Variants in DPP6 observed in about 807,000 individuals in gnomAD.
The protein encoded by DPP6 is dipeptidyl peptidase like 6.
Under a neutral mutation model 122.6 loss-of-function variants are expected in DPP6, and 69 were observed. The ratio of observed to expected loss-of-function variants is 0.56; its 90% confidence interval spans 0.46 to 0.69. The LOEUF is 0.69. DPP6 is among the 30% of genes least tolerant of loss of function. The pLI, the probability that DPP6 is intolerant of heterozygous loss-of-function variation, is 0.00. For synonymous variants in DPP6, 418 were observed against 433.1 expected (o/e 0.97, Z 0.43); for missense variants, 928 against 1,116.9 (o/e 0.83, Z 2.41).
intron 1 of DPP6, among the ~76,000 whole-genome samples, chr7:153,931,795 G>A (rs1801182906): frequency 1.3e-5 from 2 of 152,156 alleles, no homozygotes; most frequent in African/African-American, 2.4e-5. Flanking sequence ...TCTTAAAAGT[G>A]TCCATAATAG....
the DPP6 span, among the ~76,000 whole-genome samples, chr7:153,782,571 C>G: frequency 3.9e-5 from 6 of 152,140 alleles, no homozygotes; most frequent in African/African-American, 1.4e-4. Context: ...GTTGTGTTTT[C>G]TATTCTTTTC....
At chr7:153,944,618 G>A (rs1260505862) in intron 1 of DPP6, among the ~76,000 whole-genome samples, 1 of 151,456 alleles carries the variant, frequency 6.6e-6, no homozygotes, top group Non-Finnish European at 1.5e-5. Context: ...ACGGGGCCTT[G>A]CAGGCCATAA....
At chr7:154,847,557 A>G (rs1353916591) in intron 16 of DPP6, among the ~76,000 whole-genome samples, 1 of 152,012 alleles carries the variant, frequency 6.6e-6, no homozygotes, top group Non-Finnish European at 1.5e-5. Flanking sequence ...TAATAATTGC[A>G]TATATTTATT....
intron 5 of DPP6, chr7:154,587,912 C>T: frequency 4.3e-6 from 7 of 1,612,928 alleles, no homozygotes; most frequent in Middle Eastern, 1.7e-4. Flanking sequence ...AGGAGAGTCC[C>T]AGGAGGCAGG....
chr7:154,432,778 A>G (rs1818534900), intron 1 of DPP6, among the ~76,000 whole-genome samples: 1 of 152,204 alleles, frequency 6.6e-6, no homozygotes, highest in South Asian at 2.1e-4. Flanking sequence ...TGGGCATCAC[A>G]GGTCATGAGT....
intron 1 of DPP6, among the ~76,000 whole-genome samples, chr7:154,405,207 A>G (rs776965490): frequency 2.0e-5 from 3 of 152,208 alleles, no homozygotes; most frequent in Non-Finnish European, 1.5e-5. Context: ...TCAAGCAACA[A>G]TCATACACCC....
At chr7:153,978,580 G>A (rs889847865) in intron 1 of DPP6, among the ~76,000 whole-genome samples, 7 of 152,008 alleles carry the variant, frequency 4.6e-5, no homozygotes, top group Non-Finnish European at 1.0e-4. Context: ...GTCAATTTTG[G>A]CTTTTGTTGC....
intron 1 of DPP6, among the ~76,000 whole-genome samples, chr7:154,397,250 G>C (rs140114983): frequency 6.6e-6 from 1 of 151,156 alleles, no homozygotes; most frequent in East Asian, 1.9e-4. Flanking sequence ...TAAGCAGTGC[G>C]CACCAACTGA....
intron 1 of DPP6, among the ~76,000 whole-genome samples, chr7:154,340,689 ATG>A (rs1585993542): frequency 1.3e-5 from 2 of 152,336 alleles, no homozygotes; most frequent in South Asian, 2.1e-4. Context: ...AATAACTAAC[ATG>A]TGTTTTTCAT....
chr7:154,610,419 G>A (rs1342597897), intron 5 of DPP6, among the ~76,000 whole-genome samples: 1 of 152,140 alleles, frequency 6.6e-6, no homozygotes, highest in African/African-American at 2.4e-5. Context: ...TCAAAAGAAA[G>A]GATGATTCAA....
At chr7:153,808,098 G>T in the DPP6 span, among the ~76,000 whole-genome samples, 1 of 152,088 alleles carries the variant, frequency 6.6e-6, no homozygotes, top group East Asian at 1.9e-4. Context: ...TATATTTAGG[G>T]TGAGCGATAT....
chr7:154,822,019 A>C (rs953498396), intron 16 of DPP6, among the ~76,000 whole-genome samples: 1 of 152,134 alleles, frequency 6.6e-6, no homozygotes, highest in Non-Finnish European at 1.5e-5. Context: ...ACTTATTTAA[A>C]TATCTGATAC....
At chr7:154,164,506 G>T (rs1303499504) in intron 1 of DPP6, among the ~76,000 whole-genome samples, 1 of 151,890 alleles carries the variant, frequency 6.6e-6, no homozygotes, top group Admixed American at 6.6e-5. Flanking sequence ...CCTTTTAAAG[G>T]GTATGATTAG....
chr7:154,279,374 A>C (rs1321169180), intron 1 of DPP6, among the ~76,000 whole-genome samples: 1 of 152,010 alleles, frequency 6.6e-6, no homozygotes, highest in East Asian at 1.9e-4. Flanking sequence ...TTTGTGATTG[A>C]TTTTCTTATT....
At chr7:154,652,616 G>A (rs1022282696) in intron 6 of DPP6, among the ~76,000 whole-genome samples, 1 of 152,068 alleles carries the variant, frequency 6.6e-6, no homozygotes, top group Non-Finnish European at 1.5e-5. Context: ...CAGGTCCTCA[G>A]GCTGCATGAA....
chr7:154,155,040 G>C (rs1322480724), intron 1 of DPP6, among the ~76,000 whole-genome samples: 84 of 152,046 alleles, frequency 5.5e-4, no homozygotes, highest in Admixed American at 5.5e-3. Flanking sequence ...ACAATCCCTC[G>C]ATCCTTGCCT....
intron 7 of DPP6, among the ~76,000 whole-genome samples, chr7:154,681,435 T>G (rs1210892070): frequency 1.6e-4 from 24 of 152,240 alleles, no homozygotes; most frequent in Non-Finnish European, 4.4e-5. Flanking sequence ...TGAGAGAATA[T>G]AACAAGGCAG....
At chr7:154,279,029 A>G (rs1804327431) in intron 1 of DPP6, among the ~76,000 whole-genome samples, 1 of 150,256 alleles carries the variant, frequency 6.7e-6, no homozygotes, top group African/African-American at 2.5e-5. Flanking sequence ...GTTGTGTGGT[A>G]TGTGTATGTA....
chr7:154,125,510 C>A (rs748343485), intron 1 of DPP6, among the ~76,000 whole-genome samples: 2 of 152,118 alleles, frequency 1.3e-5, no homozygotes, highest in South Asian at 4.1e-4. Context: ...TGAGTGTGAA[C>A]GCATCAAACG....
Sources: allele counts gnomAD v4.1 joint callset (sites outside exome capture counted in the v4.1 genomes callset), GRCh38; gene constraint gnomAD v4.1.1; transcripts MANE v1.5; gene names NCBI Gene and HGNC (gene_info 2026-07-23, HGNC 2026-07-21).